Variants in TRIM2 observed in about 807,000 individuals in gnomAD.
TRIM2 encodes tripartite motif containing 2.
Under a neutral mutation model 75.2 loss-of-function variants are expected in TRIM2, and 20 were observed. The ratio of observed to expected loss-of-function variants is 0.27; its 90% CI spans 0.19 to 0.39. The LOEUF (loss-of-function observed/expected upper bound fraction) is 0.39, where lower values mean the gene tolerates loss of function less well. Ranked by LOEUF, TRIM2 falls within the 10% of genes least tolerant of loss-of-function variation. TRIM2 has a pLI of 1.00. For synonymous variants in TRIM2, 373 were observed against 388.3 expected (o/e 0.96, Z 0.46); for missense variants, 660 against 990.8 (o/e 0.67, Z 4.48).
chr4:153,309,533 C>T (rs1765783531), intron 6 of TRIM2: 1 of 152,060 alleles, frequency 6.6e-6, no homozygotes, highest in Non-Finnish European at 1.5e-5. Context: ...TGTTAAGCAC[C>T]TACTTGATTG....
chr4:153,305,475 T>G (rs887367253), intron 6 of TRIM2, among the ~76,000 whole-genome samples: 1 of 152,210 alleles, frequency 6.6e-6, no homozygotes, highest in Non-Finnish European at 1.5e-5. Flanking sequence ...CCCTTTTCTG[T>G]TGCTATAACA....
intron 6 of TRIM2, among the ~76,000 whole-genome samples, chr4:153,311,887 T>C (rs1045935543): frequency 2.9e-5 from 4 of 138,472 alleles, no homozygotes; most frequent in Admixed American, 2.9e-4. Context: ...AAATGAAGTT[T>C]TTATTCTTTT....
intron 1 of TRIM2, among the ~76,000 whole-genome samples, chr4:153,233,068 T>A (rs1744092697): frequency 1.3e-5 from 2 of 152,200 alleles, no homozygotes; most frequent in South Asian, 4.1e-4. Flanking sequence ...GTGCGGCCTC[T>A]GAGTGAGTGA....
At chr4:153,237,496 T>C (rs2149825482) in intron 1 of TRIM2, among the ~76,000 whole-genome samples, 1 of 152,094 alleles carries the variant, frequency 6.6e-6, no homozygotes, top group Admixed American at 6.5e-5. Context: ...CTGACCAACA[T>C]AGTGAAACCC....
chr4:153,185,851 C>T (rs1248246153), intron 1 of TRIM2, among the ~76,000 whole-genome samples: 1 of 152,162 alleles, frequency 6.6e-6, no homozygotes, highest in Non-Finnish European at 1.5e-5. Context: ...GCTTCTCTCT[C>T]CCTGAGGAGG....
chr4:153,233,987 T>C (rs1459595351), intron 1 of TRIM2, among the ~76,000 whole-genome samples: 2 of 152,162 alleles, frequency 1.3e-5, no homozygotes, highest in Non-Finnish European at 2.9e-5. Context: ...TCTAATGTAA[T>C]ACCATAGCAA....
chr4:153,287,689 G>A (rs1431270199), intron 3 of TRIM2, among the ~76,000 whole-genome samples: 2 of 152,120 alleles, frequency 1.3e-5, no homozygotes, highest in African/African-American at 4.8e-5. Context: ...TCAATAGTAT[G>A]TAAAATCCTT....
At position 153,294,440 on chromosome 4, in the gene TRIM2, T is replaced by C. The variant is rs547547785; in HGVS notation, c.741T>C (p.Ser247=). 1.2e-6 allele frequency: 2 copies of C among 1,613,916 alleles called. No individual in the cohort carries two copies. The highest frequency in any genetic ancestry group is 2.2e-5 in the South Asian group (2 of 91,034). The stretch of plus-strand genomic sequence containing the variant: ...AGAAGACTTTAAATGTGCGCAAGAG[T>C]GTGCTGCTTATGGAATTGGAGGTCA... ...ELQKTLNVRK[S]VLLMELEVNY... is the part of the protein sequence containing the mutation. The change falls in exon 5 of 12, where the codon AGT becomes AGC. Residue 247 remains serine, a synonymous_variant. Transcript: ENST00000338700.
At chr4:153,305,906 G>A (rs902378117) in intron 6 of TRIM2, among the ~76,000 whole-genome samples, 1 of 152,208 alleles carries the variant, frequency 6.6e-6, no homozygotes, top group African/African-American at 2.4e-5. Flanking sequence ...GGAGGCTGAG[G>A]TGGGCAGATC....
chr4:153,285,013 G>T (rs1002299319), intron 3 of TRIM2, among the ~76,000 whole-genome samples: 15 of 151,982 alleles, frequency 9.9e-5, no homozygotes, highest in African/African-American at 3.6e-4. Context: ...AGAATCCATT[G>T]CTGATTCAAG....
intron 2 of TRIM2, among the ~76,000 whole-genome samples, chr4:153,273,270 C>CTTTTGTTTTTTTTTT: frequency 1.7e-5 from 1 of 57,390 alleles, no homozygotes. Context: ...TACAGTCACT[C>CTTTTGTTTTTTTTTT]TTTTTTTTTT....
chr4:153,221,643 T>C (rs1476731363), intron 1 of TRIM2, among the ~76,000 whole-genome samples: 1 of 151,572 alleles, frequency 6.6e-6, no homozygotes, highest in African/African-American at 2.4e-5. Context: ...CTTTGTATTC[T>C]CAGCCTTGTG....
intron 1 of TRIM2, among the ~76,000 whole-genome samples, chr4:153,163,564 T>G (rs900866266): frequency 4.3e-5 from 6 of 139,636 alleles, no homozygotes; most frequent in African/African-American, 1.3e-4. Flanking sequence ...TGCAATGGCA[T>G]GATCTCAGCT....
chr4:153,230,681 T>C (rs143781973), intron 1 of TRIM2, among the ~76,000 whole-genome samples: 1,954 of 152,314 alleles, frequency 0.013, 23 homozygotes, highest in Non-Finnish European at 0.02. Context: ...CTATCTGTCT[T>C]TTATTTATGA....
At chr4:153,330,845 G>A (rs1457378581) in intron 11 of TRIM2, among the ~76,000 whole-genome samples, 1 of 152,146 alleles carries the variant, frequency 6.6e-6, no homozygotes, top group African/African-American at 2.4e-5. Flanking sequence ...AATACTAGAA[G>A]TTCTAGCCAG....
intron 11 of TRIM2, among the ~76,000 whole-genome samples, chr4:153,331,560 T>C (rs959613364): frequency 7.9e-5 from 12 of 152,204 alleles, no homozygotes; most frequent in African/African-American, 2.9e-4. Flanking sequence ...AACAATGATG[T>C]CAGTTGTCTT....
chr4:153,275,010 CT>C (rs1321742818), intron 2 of TRIM2, among the ~76,000 whole-genome samples: 1 of 152,110 alleles, frequency 6.6e-6, no homozygotes, highest in African/African-American at 2.4e-5. Context: ...AATTGTTTGG[CT>C]AGGTACTGGA....
intron 10 of TRIM2, among the ~76,000 whole-genome samples, chr4:153,326,995 A>G (rs72729642): frequency 0.12 from 17,213 of 149,440 alleles, 1,236 homozygotes; most frequent in African/African-American, 0.2. Flanking sequence ...AAAAAAAAAA[A>G]AAAGAAAGAA....
intron 1 of TRIM2, among the ~76,000 whole-genome samples, chr4:153,183,776 G>A (rs1395392968): frequency 5.3e-5 from 8 of 152,174 alleles, no homozygotes; most frequent in Non-Finnish European, 1.2e-4. Context: ...GAGCCCAGGG[G>A]ACCCACTGAA....
Sources: gnomAD v4.1 joint callset for allele counts (sites outside exome capture counted in the v4.1 genomes callset) on GRCh38, gnomAD v4.1.1 for gene constraint, MANE v1.5 for transcripts, NCBI Gene and HGNC (gene_info 2026-07-23, HGNC 2026-07-21) for gene names.